XIRP2: variants seen among roughly 807,000 people sequenced by gnomAD.
XIRP2 encodes xin actin binding repeat containing 2, also known as xin actin-binding repeat-containing protein 2.
XIRP2 carries 236 observed loss-of-function variants against 277.0 expected under a neutral mutation model. That is an observed-to-expected ratio of 0.85 (90% CI 0.77 to 0.95). The LOEUF (loss-of-function observed/expected upper bound fraction) is 0.95. Among genes scored for constraint, XIRP2 ranks in the 40% least tolerant of loss-of-function variants. The pLI is 0.00. For synonymous variants in XIRP2, 1,490 were observed against 1,416.5 expected, an observed-to-expected ratio of 1.05 and a Z score of -1.17; for missense variants, 4,640 against 4,157.5, an observed-to-expected ratio of 1.12 and a Z score of -3.19.
chr2:167,145,941 A>G (rs1315306249), intron 3 of XIRP2, among the ~76,000 whole-genome samples: 2 of 152,222 alleles, frequency 1.3e-5, no homozygotes, highest in African/African-American at 4.8e-5. Flanking sequence ...AAAGAGATTC[A>G]TAGAAAATGC....
rs1427550568 is a variant in XIRP2, at chr2:166,978,048, G to A, written c.408+74158G>A. ...TGTGTATGTTTGCATGTGTGTGATT[G>A]TGTTTATGTGTTCATGAAAGTAGTC... is the stretch of plus-strand genomic sequence containing the variant. On this transcript the variant is annotated intron_variant, in intron 2 of 10. Coordinates refer to ENST00000409195, the MANE Select transcript of XIRP2 (RefSeq NM_152381.6). 3.3e-5 allele frequency among the ~76,000 whole-genome samples: 5 copies of A among 152,090 alleles called. No homozygotes were observed. The East Asian group carries it at 9.6e-4, about 29-fold the overall frequency.
chr2:166,999,719 C>G (rs192962131), intron 2 of XIRP2, among the ~76,000 whole-genome samples: 1 of 152,192 alleles, frequency 6.6e-6, no homozygotes, highest in African/African-American at 2.4e-5. Context: ...TACAGGGAAA[C>G]ATAGAGCATC....
rs1054431424 is a variant in XIRP2, at chr2:167,153,728, G to C, written c.562+17666G>C. The stretch of plus-strand genomic sequence containing the variant: ...CCAATTTCATCCATGTCCCTAAAAA[G>C]GACATGAACTCATCATTTTTTATGG... On this transcript the variant is annotated intron_variant, in intron 3 of 10. Transcript: ENST00000409195. Among the ~76,000 whole-genome samples the C allele has an allele frequency of 2.7e-3, 404 of 151,950 alleles. 2 individuals carry two copies. The highest frequency in any genetic ancestry group is 4.2e-3 in the Non-Finnish European group (284 of 67,974).
At chr2:167,146,440 G>T (rs991429318) in intron 3 of XIRP2, among the ~76,000 whole-genome samples, 88 of 151,882 alleles carry the variant, frequency 5.8e-4, no homozygotes, top group African/African-American at 1.9e-3. Flanking sequence ...GGCGGAGGTT[G>T]CAGTGAGCTG....
In XIRP2 at chr2:167,254,024, A is replaced by G. The variant is rs114227676; in HGVS notation, c.10556-8A>G. 28,689 of 1,573,274 alleles carry G rather than the reference A, an allele frequency of 0.018. 489 individuals carry two copies. Among genetic ancestry groups the G allele is most frequent in the South Asian group, 0.065 (5,482 of 84,294 alleles). ...ACTACAGAAGGCTTTGTAAATTTTT[A>G]TTTTTAGAAGCTGCTGCTCCAAGAC... On this transcript the variant is annotated splice_region_variant and splice_polypyrimidine_tract_variant and intron_variant, in intron 9 of 10. Coordinates refer to ENST00000409195, the MANE Select transcript of XIRP2 (RefSeq NM_152381.6).
intron 3 of XIRP2, among the ~76,000 whole-genome samples, chr2:167,155,091 GT>G (rs1229284042): frequency 6.6e-6 from 1 of 151,308 alleles, no homozygotes; most frequent in African/African-American, 2.4e-5. Context: ...ATCTGAAATT[GT>G]GGCAATAATC....
chr2:167,234,041 A>G (rs1188396156), intron 5 of XIRP2, among the ~76,000 whole-genome samples: 1 of 151,600 alleles, frequency 6.6e-6, no homozygotes, highest in African/African-American at 2.4e-5. Flanking sequence ...AATCTTCAGA[A>G]TTTTGGGCCT....
rs1048292607 is a variant in XIRP2, at chr2:167,250,551, A to T, written c.9159A>T (p.Ser3053=). 1 of 1,613,594 alleles carries T rather than the reference A, an allele frequency of 6.2e-7. No homozygotes were observed. The highest frequency in any genetic ancestry group is 1.7e-5 in the Admixed American group (1 of 59,970). ...GNKPTSLDET[S]SKVSNVHVSN... ...AACCCACTAGTCTTGATGAAACATC[A>T]TCCAAAGTATCTAATGTTCATGTCA... The change falls in exon 9 of 11, where the codon TCA becomes TCT. Residue 3053 remains serine, a synonymous_variant. Coordinates refer to ENST00000409195, the MANE Select transcript of XIRP2 (RefSeq NM_152381.6).
Position 166,903,676 on chromosome 2 carries a change from G to A in XIRP2, c.194G>A (p.Ser65Asn). The change falls in exon 2 of 11, where the codon AGT becomes AAT. Residue 65 changes from serine to asparagine, a missense_variant. By Grantham distance (46) the Ser-to-Asn change is conservative. Transcript: ENST00000409195. ...QSLDPTSLPY[S>N]TGEEMWSSKP... is the part of the protein sequence containing the mutation. ...TTGGATCCCACAAGTCTGCCCTACA[G>A]TACAGGGGAAGAGATGTGGAGTTCG... 6.2e-7 allele frequency: 1 copy of A among 1,613,680 alleles called. No individual in the cohort carries two copies. The highest frequency in any genetic ancestry group is 8.5e-7 in the Non-Finnish European group (1 of 1,179,778).
chr2:167,059,545 C>A (rs1367637466), intron 2 of XIRP2, among the ~76,000 whole-genome samples: 3 of 151,628 alleles, frequency 2.0e-5, no homozygotes, highest in Non-Finnish European at 4.4e-5. Context: ...AGCAATCATT[C>A]CATAAGAACT....
chr2:167,011,689 G>A (rs4605386), intron 2 of XIRP2, among the ~76,000 whole-genome samples: 77,024 of 148,338 alleles, frequency 0.52, 22,013 homozygotes, highest in East Asian at 0.82. Context: ...TCGGCTGTGA[G>A]TCCATCTGGT....
In XIRP2 at chr2:167,244,037, TTCC is replaced by T. The variant is rs1695165349; in HGVS notation, c.2646_2648del (p.Pro883del). 1 of 1,613,792 alleles carries T rather than the reference TTCC, an allele frequency of 6.2e-7. No individual in the cohort carries two copies. Among genetic ancestry groups the T allele is most frequent in the African/African-American group, 1.3e-5 (1 of 74,868 alleles). On this transcript the variant is annotated inframe_deletion, in exon 9 of 11. Transcript: ENST00000409195. ...ACTACTAAGCATCTATTTGAAACAC[TTCC>T]AATTGAAGCATTAAAAGACAGTCCT...
At chr2:167,081,432 T>C (rs1010796779) in intron 2 of XIRP2, among the ~76,000 whole-genome samples, 1 of 152,216 alleles carries the variant, frequency 6.6e-6, no homozygotes, top group South Asian at 2.1e-4. Flanking sequence ...TGCACCACTG[T>C]ACTCCAGCCT....
At chr2:167,159,327 A>G (rs555846682) in intron 3 of XIRP2, among the ~76,000 whole-genome samples, 52 of 152,334 alleles carry the variant, frequency 3.4e-4, no homozygotes, top group Non-Finnish European at 6.5e-4. Flanking sequence ...TATGACAAAT[A>G]TAGCCACAGA....
intron 2 of XIRP2, among the ~76,000 whole-genome samples, chr2:166,945,371 C>G (rs527573155): frequency 6.6e-6 from 1 of 152,012 alleles, no homozygotes; most frequent in Admixed American, 6.6e-5. Flanking sequence ...GACATTTTAA[C>G]AATTACTTAT....
chr2:166,982,528 ATTAATTT>A, intron 2 of XIRP2, among the ~76,000 whole-genome samples: 1 of 151,650 alleles, frequency 6.6e-6, no homozygotes, highest in Non-Finnish European at 1.5e-5. Context: ...ATGTTTTTTT[ATTAATTT>A]TTAATTCTGT....
chr2:167,124,010 T>G (rs1381387627), intron 2 of XIRP2: 2 of 152,142 alleles, frequency 1.3e-5, no homozygotes, highest in Admixed American at 1.3e-4. Context: ...ATGGTGTTGA[T>G]TTTGTGGCTG....
intron 2 of XIRP2, among the ~76,000 whole-genome samples, chr2:166,963,699 G>A (rs1028613267): frequency 6.6e-6 from 1 of 151,750 alleles, no homozygotes; most frequent in Non-Finnish European, 1.5e-5. Context: ...TCAGAAAGAA[G>A]ACCAGCATAG....
intron 3 of XIRP2, among the ~76,000 whole-genome samples, chr2:167,189,309 C>A (rs767965840): frequency 5.7e-4 from 86 of 152,160 alleles, no homozygotes; most frequent in Non-Finnish European, 1.2e-3. Context: ...TTAAAAGAGA[C>A]CATTTTTGTA....
Sources: gnomAD v4.1 joint callset for allele counts (sites outside exome capture counted in the v4.1 genomes callset) on GRCh38, gnomAD v4.1.1 for gene constraint, MANE v1.5 for transcripts, NCBI Gene and HGNC (gene_info 2026-07-23, HGNC 2026-07-21) for gene names.